The following DOCK9 variants were observed in gnomAD, a reference collection of about 807,000 sequenced individuals.
DOCK9 encodes dedicator of cytokinesis protein 9.
In DOCK9, 89 loss-of-function variants were observed where a neutral mutation model predicts 263.3. The observed-to-expected ratio is 0.34, with a 90% CI of 0.28 to 0.40. The LOEUF (loss-of-function observed/expected upper bound fraction) is 0.40, where lower values mean the gene tolerates loss of function less well. Among genes scored for constraint, DOCK9 ranks in the 10% least tolerant of loss-of-function variants. DOCK9 has a pLI of 1.00. For synonymous variants in DOCK9, 976 were observed against 973.1 expected, an observed-to-expected ratio of 1.00 and a Z score of -0.06; for missense variants, 2,140 against 2,603.4, an observed-to-expected ratio of 0.82 and a Z score of 3.87.
chr13:98,925,804 C>T (rs1224468114), intron 4 of DOCK9, 33 bp downstream of exon 4: 18 of 1,452,876 alleles, frequency 1.2e-5, no homozygotes, highest in Non-Finnish European at 1.7e-5. Context: ...AGTACAAAGA[C>T]TTTTCCCTAT....
At chr13:98,925,057 G>A (rs527568921) in intron 4 of DOCK9, among the ~76,000 whole-genome samples, 11 of 152,230 alleles carry the variant, frequency 7.2e-5, no homozygotes, top group East Asian at 1.9e-4. Context: ...CCAGCAACTC[G>A]GGAGGCTGAG....
At chr13:99,008,776 G>A (rs1159151360) in intron 1 of DOCK9, among the ~76,000 whole-genome samples, 1 of 152,104 alleles carries the variant, frequency 6.6e-6, no homozygotes, top group Non-Finnish European at 1.5e-5. Context: ...TTGAGTTGGC[G>A]GGGTCCCAGG....
intron 44 of DOCK9, among the ~76,000 whole-genome samples, 169 bp downstream of exon 44, chr13:98,826,661 C>T (rs542641707): frequency 2.6e-5 from 4 of 152,068 alleles, no homozygotes; most frequent in Admixed American, 6.6e-5. Context: ...GCAATTTCTG[C>T]TGTGCCCACC....
chr13:98,931,592 C>T (rs1170362150), intron 2 of DOCK9, among the ~76,000 whole-genome samples: 1 of 150,988 alleles, frequency 6.6e-6, no homozygotes, highest in Non-Finnish European at 1.5e-5. Flanking sequence ...GCCACTGCGC[C>T]CAGCCTAATT....
intron 1 of DOCK9, among the ~76,000 whole-genome samples, chr13:99,005,928 GA>G (rs1200355068): frequency 2.0e-5 from 3 of 152,180 alleles, no homozygotes; most frequent in African/African-American, 7.2e-5. Flanking sequence ...ACCCTGAGGG[GA>G]AAAGACAAAT....
chr13:99,088,517 A>G (rs2042395522), upstream of DOCK9: 1 of 152,258 alleles, frequency 6.6e-6, no homozygotes, highest in African/African-American at 2.4e-5. Flanking sequence ...CAAAAGTACC[A>G]GACAACACAA....
At position 98,848,696 on chromosome 13, in the gene DOCK9, C is replaced by T. The variant is rs536117548; in HGVS notation, c.4014-57G>A. On this transcript the variant is annotated intron_variant, in intron 36 of 52. Coordinates refer to ENST00000682017, the MANE Select transcript of DOCK9 (RefSeq NM_001366683.2). The stretch of plus-strand genomic sequence containing the variant: ...TGCAAAGATAAAATTATTTTCGGGA[C>T]GTTATTTATCTGTTAACAATAACAA... 76 of 1,499,782 alleles carry T rather than the reference C, an allele frequency of 5.1e-5. No homozygotes were observed. The Admixed American group carries it at 5.8e-4, about 11-fold the overall frequency. 92.9% of individuals were successfully genotyped at this position (1,499,782 alleles called of 1,614,324 possible). A position where few individuals can be genotyped will look rare whatever the true frequency, so the allele number is the denominator to read the frequency against.
chr13:98,979,280 G>C (rs1278430253), upstream of DOCK9, among the ~76,000 whole-genome samples: 2 of 151,866 alleles, frequency 1.3e-5, no homozygotes, highest in African/African-American at 2.4e-5. Context: ...TCAACAACGA[G>C]AGTAGTTATC....
At chr13:98,881,341 A>G (rs1003738444) in intron 25 of DOCK9, among the ~76,000 whole-genome samples, 1 of 152,246 alleles carries the variant, frequency 6.6e-6, no homozygotes, top group African/African-American at 2.4e-5. Flanking sequence ...CCATTAAAAG[A>G]AACATAATTG....
chr13:98,999,316 A>ACACACACACACTCT lies in DOCK9; in HGVS notation c.130-43766_130-43765insAGAGTGTGTGTGTG. Among the ~76,000 whole-genome samples the ACACACACACACTCT allele has an allele frequency of 4.8e-4, 66 of 138,366 alleles. 1 individual carries two copies. In the South Asian group the frequency reaches 1.0e-2, roughly 21 times the overall value. The allele number at this position is 138,366 out of a possible 152,430, so 90.8% of individuals were successfully genotyped here. On this transcript the variant is annotated intron_variant, in intron 1 of 32. Coordinates refer to the DOCK9 transcript ENST00000427887. ...CACACACACACACACACACACACAC[A>ACACACACACACTCT]CTCTCTCTCTCTCTCTCTCTGGAAG...
intron 52 of DOCK9, among the ~76,000 whole-genome samples, chr13:98,795,262 G>T (rs1358096933): frequency 6.6e-6 from 1 of 152,220 alleles, no homozygotes; most frequent in Non-Finnish European, 1.5e-5. Context: ...AAGCATTTGT[G>T]TTTCTCTCCT....
intron 1 of DOCK9, among the ~76,000 whole-genome samples, chr13:98,991,860 G>A (rs1356832876): frequency 6.6e-6 from 1 of 152,002 alleles, no homozygotes; most frequent in East Asian, 1.9e-4. Context: ...TAATAATAAG[G>A]TCGCAGAGAC....
At chr13:98,887,054 TCCA>T (rs2045812222) in intron 18 of DOCK9, among the ~76,000 whole-genome samples, 1 of 150,824 alleles carries the variant, frequency 6.6e-6, no homozygotes, top group African/African-American at 2.4e-5. Context: ...ATACCATCTG[TCCA>T]CCAAGATCTT....
chr13:98,874,795 ACT>A (rs2142347438), intron 27 of DOCK9, among the ~76,000 whole-genome samples: 1 of 151,988 alleles, frequency 6.6e-6, no homozygotes, highest in South Asian at 2.1e-4. Flanking sequence ...TAATCTTTAT[ACT>A]CTCTGTCATC....
rs7987941 is a variant in DOCK9, at chr13:98,840,385, G to A, written c.4199-2776C>T. On this transcript the variant is annotated intron_variant, in intron 38 of 52. Transcript: ENST00000682017. ...GGACAGAGCTGCAGGACTTCTGCAG[G>A]GACGTGCTATCTCTGACACACATGC... Among the ~76,000 whole-genome samples the A allele has an allele frequency of 7.4e-3, 1,122 of 152,304 alleles. 20 individuals are homozygous for A. The highest frequency in any genetic ancestry group is 0.025 in the African/African-American group (1,040 of 41,546).
intron 1 of DOCK9, among the ~76,000 whole-genome samples, chr13:98,961,626 A>T (rs969145411): frequency 6.6e-6 from 1 of 152,148 alleles, no homozygotes; most frequent in Non-Finnish European, 1.5e-5. Context: ...CTCTCATGAC[A>T]GTCCTCGGCT....
chr13:99,040,133 G>A (rs532154884), intron 1 of DOCK9, among the ~76,000 whole-genome samples: 1 of 152,266 alleles, frequency 6.6e-6, no homozygotes, highest in South Asian at 2.1e-4. Flanking sequence ...GAAAAGGCAA[G>A]AGAGTGTTTG....
At chr13:99,002,143 T>C (rs1882466575) in intron 1 of DOCK9, among the ~76,000 whole-genome samples, 1 of 152,152 alleles carries the variant, frequency 6.6e-6, no homozygotes, top group Admixed American at 6.5e-5. Flanking sequence ...AAAAAGTAAA[T>C]CTATAAAAAT....
At chr13:98,940,124 G>C (rs1033366293) in intron 2 of DOCK9, among the ~76,000 whole-genome samples, 2 of 152,188 alleles carry the variant, frequency 1.3e-5, no homozygotes, top group Non-Finnish European at 2.9e-5. Context: ...TACCAAGCTA[G>C]ACTGGAAACT....
Sources: allele counts gnomAD v4.1 joint callset (sites outside exome capture counted in the v4.1 genomes callset), GRCh38; gene constraint gnomAD v4.1.1; transcripts MANE v1.5; gene names NCBI Gene and HGNC (gene_info 2026-07-23, HGNC 2026-07-21).